ADAMTS20: variants seen among roughly 807,000 people sequenced by gnomAD.
ADAMTS20 encodes ADAM metallopeptidase with thrombospondin type 1 motif 20, also known as A disintegrin and metalloproteinase with thrombospondin motifs 20.
A neutral mutation model predicts 260.1 loss-of-function variants in ADAMTS20; 225 were observed. The ratio of observed to expected loss-of-function variants is 0.87; its 90% CI spans 0.78 to 0.97. The LOEUF (loss-of-function observed/expected upper bound fraction) is 0.97, where lower values mean the gene tolerates loss of function less well. Ranked by LOEUF, ADAMTS20 falls within the 50% of genes least tolerant of loss-of-function variation. ADAMTS20 has a pLI of 0.00. For missense variants in ADAMTS20, 2,400 were observed against 2,337.7 expected, an observed-to-expected ratio of 1.03 and a Z score of -0.55; for synonymous variants, 802 against 769.5, an observed-to-expected ratio of 1.04 and a Z score of -0.70.
chr12:43,487,435 G>A (rs1942539816), intron 7 of ADAMTS20, among the ~76,000 whole-genome samples: 1 of 150,224 alleles, frequency 6.7e-6, no homozygotes, highest in East Asian at 2.0e-4. Flanking sequence ...GAGTGGGAGG[G>A]TGGGAGGGGG....
chr12:43,489,851 A>G (rs923190884), intron 7 of ADAMTS20, among the ~76,000 whole-genome samples: 1 of 152,056 alleles, frequency 6.6e-6, no homozygotes, highest in African/African-American at 2.4e-5. Flanking sequence ...AAAATGCATG[A>G]ACTTTGACTA....
chr12:43,391,173 A>G (rs1255808242), intron 29 of ADAMTS20, among the ~76,000 whole-genome samples: 1 of 152,208 alleles, frequency 6.6e-6, no homozygotes, highest in Non-Finnish European at 1.5e-5. Flanking sequence ...GGGTGAAGGA[A>G]CAAGCTAGAT....
At chr12:43,388,973 A>G (rs1485106268) in intron 29 of ADAMTS20, among the ~76,000 whole-genome samples, 1 of 152,162 alleles carries the variant, frequency 6.6e-6, no homozygotes, top group Non-Finnish European at 1.5e-5. Context: ...GGGACTAGAA[A>G]AGGCCCCACC....
At chr12:43,383,773 T>C (rs757481836) in intron 30 of ADAMTS20, 31 bp downstream of exon 30, 3 of 1,613,344 alleles carry the variant, frequency 1.9e-6, no homozygotes, top group Non-Finnish European at 2.5e-6. Flanking sequence ...TTATATGCAG[T>C]GTCTTTGAAA....
intron 16 of ADAMTS20, among the ~76,000 whole-genome samples, chr12:43,443,315 A>G (rs901032410): frequency 6.6e-6 from 1 of 152,228 alleles, no homozygotes; most frequent in Non-Finnish European, 1.5e-5. Context: ...CTGTGACTAC[A>G]TTCATTAACA....
chr12:43,385,236 T>C (rs1940446713), intron 29 of ADAMTS20, among the ~76,000 whole-genome samples: 1 of 152,244 alleles, frequency 6.6e-6, no homozygotes, highest in South Asian at 2.1e-4. Context: ...CATATGTTTG[T>C]TGGCCCCATA....
At position 43,375,927 on chromosome 12, in the gene ADAMTS20, A is replaced by C. The variant is rs1940215613; in HGVS notation, c.5312+130T>G. On this transcript the variant is annotated intron_variant, in intron 35 of 38. Coordinates refer to ENST00000389420, the MANE Select transcript of ADAMTS20 (RefSeq NM_025003.5). ...ATTAACAACATCTAGTTTAGGTCCT[A>C]ACATGTCTACCTGCTCCTACATTAT... 8.6e-6 allele frequency: 6 copies of C among 696,490 alleles called. No homozygotes were observed. The South Asian group carries it at 1.2e-4, about 14-fold the overall frequency. 43.1% of individuals were successfully genotyped at this position (696,490 alleles called of 1,614,324 possible). A position where few individuals can be genotyped will look rare whatever the true frequency, so the allele number is the denominator to read the frequency against.
At chr12:43,437,202 A>T (rs550994249) in intron 18 of ADAMTS20, among the ~76,000 whole-genome samples, 1 of 152,348 alleles carries the variant, frequency 6.6e-6, no homozygotes, top group African/African-American at 2.4e-5. Flanking sequence ...AAGGTATTAT[A>T]TTCATAAAAC....
chr12:43,367,345 T>C (rs1940010244), intron 37 of ADAMTS20, among the ~76,000 whole-genome samples: 1 of 152,018 alleles, frequency 6.6e-6, no homozygotes, highest in Non-Finnish European at 1.5e-5. Context: ...TTACATCCCA[T>C]GACTAAGTGG....
chr12:43,543,527 A>G (rs1256833886), intron 2 of ADAMTS20, among the ~76,000 whole-genome samples: 3 of 152,272 alleles, frequency 2.0e-5, no homozygotes, highest in Middle Eastern at 3.4e-3. Flanking sequence ...TTTTTAATTC[A>G]TATTTTTCCA....
intron 18 of ADAMTS20, among the ~76,000 whole-genome samples, chr12:43,435,666 T>TAA (rs1941539443): frequency 1.1e-5 from 1 of 93,620 alleles, no homozygotes; most frequent in Non-Finnish European, 2.2e-5. Flanking sequence ...AACAAAAAAA[T>TAA]AAAAATAAAA....
At chr12:43,404,799 T>C (rs1257406004) in intron 28 of ADAMTS20, among the ~76,000 whole-genome samples, 1 of 152,178 alleles carries the variant, frequency 6.6e-6, no homozygotes, top group Non-Finnish European at 1.5e-5. Context: ...ATATTTTTAG[T>C]GACTACTAAG....
At chr12:43,371,685 G>C (rs1940110302) in intron 36 of ADAMTS20, among the ~76,000 whole-genome samples, 1 of 152,148 alleles carries the variant, frequency 6.6e-6, no homozygotes, top group East Asian at 1.9e-4. Context: ...TAAGATGGGG[G>C]CATGCCTGGT....
At position 43,502,365 on chromosome 12, in the gene ADAMTS20, G is replaced by T. The variant is rs1458321510; in HGVS notation, c.654C>A (p.Tyr218Ter). 31 of 1,606,868 alleles carry T rather than the reference G, an allele frequency of 1.9e-5. No individual in the cohort carries two copies. The highest frequency in any genetic ancestry group is 2.6e-5 in the Non-Finnish European group (31 of 1,177,942). ...IKETSLPFHT[Y>*]SNMNEDLNVM... ...CATTAAGATCTTCATTCATGTTGCT[G>T]TAGGTATGAAAGGGTAAACTGGTTT... Residue 218 changes from tyrosine (Y) to a stop codon, truncating the protein, a stop_gained, in exon 4 of 39, where the codon TAC becomes TAA. Coordinates refer to ENST00000389420, the MANE Select transcript of ADAMTS20 (RefSeq NM_025003.5). LOFTEE classifies it high-confidence loss of function.
intron 3 of ADAMTS20, among the ~76,000 whole-genome samples, chr12:43,518,297 A>T (rs924623345): frequency 6.6e-6 from 1 of 152,134 alleles, no homozygotes; most frequent in Non-Finnish European, 1.5e-5. Flanking sequence ...TACTTTGCAA[A>T]ATCCAGTAAT....
chr12:43,405,434 A>G (rs1457009900), intron 28 of ADAMTS20, among the ~76,000 whole-genome samples: 2 of 117,174 alleles, frequency 1.7e-5, no homozygotes, highest in Non-Finnish European at 3.7e-5. Flanking sequence ...TAATAATAAT[A>G]ATAATAATAA....
intron 11 of ADAMTS20, among the ~76,000 whole-genome samples, chr12:43,458,980 T>C (rs1942013150): frequency 6.6e-6 from 1 of 152,118 alleles, no homozygotes. Context: ...TAGCCAATCA[T>C]CTATCACCTG....
intron 28 of ADAMTS20, among the ~76,000 whole-genome samples, chr12:43,424,935 A>G (rs1009564194): frequency 2.0e-5 from 3 of 152,162 alleles, no homozygotes; most frequent in Admixed American, 6.5e-5. Flanking sequence ...GATATACTTT[A>G]AAAAGAAACT....
chr12:43,454,841 G>T (rs1941935879), intron 11 of ADAMTS20, among the ~76,000 whole-genome samples: 1 of 152,162 alleles, frequency 6.6e-6, no homozygotes, highest in East Asian at 1.9e-4. Flanking sequence ...TTTTTACAGA[G>T]AAATTTTATG....
Sources: allele counts gnomAD v4.1 joint callset (sites outside exome capture counted in the v4.1 genomes callset), GRCh38; gene constraint gnomAD v4.1.1; transcripts MANE v1.5; gene names NCBI Gene and HGNC (gene_info 2026-07-23, HGNC 2026-07-21).